NCK1: variants seen among roughly 807,000 people sequenced by gnomAD.
NCK1 encodes SH2/SH3 adapter protein NCK1.
In NCK1, 19 loss-of-function variants were observed where a neutral mutation model predicts 36.6. That is an observed-to-expected ratio of 0.52 (90% confidence interval 0.36 to 0.76). NCK1 has a LOEUF of 0.76. Ranked by LOEUF, NCK1 falls within the 30% of genes least tolerant of loss-of-function variation. NCK1 has a pLI of 0.00. For missense variants in NCK1, 358 were observed against 445.6 expected (o/e 0.80, Z 1.77); for synonymous variants, 165 against 156.0 (o/e 1.06, Z -0.43).
chr3:136,889,989 G>A (rs757488040), intron 1 of NCK1, among the ~76,000 whole-genome samples: 6 of 152,326 alleles, frequency 3.9e-5, no homozygotes, highest in Middle Eastern at 3.4e-3. Flanking sequence ...CCAGTCCTGC[G>A]CTGTGTGCCC....
intron 1 of NCK1, among the ~76,000 whole-genome samples, chr3:136,905,115 T>C (rs1172202289): frequency 6.6e-6 from 1 of 151,462 alleles, no homozygotes; most frequent in Non-Finnish European, 1.5e-5. Flanking sequence ...CAGGTTCAAG[T>C]GATTCTTCTG....
chr3:136,912,882 T>C (rs185927003), intron 1 of NCK1, among the ~76,000 whole-genome samples: 1 of 151,742 alleles, frequency 6.6e-6, no homozygotes, highest in African/African-American at 2.4e-5. Context: ...GGTCTTGATA[T>C]CCTGGACTCA....
rs1940964379 is a variant in NCK1 at position 136,951,264 on chromosome 3, A to G, written c.*2811A>G. ...TGTAGCACGTTTGTGAGAATTCTCT[A>G]GGCAGGCCCAGCCCTTCTCTAGAAG... On this transcript the variant is annotated 3_prime_UTR_variant, in exon 4 of 4. Coordinates refer to ENST00000481752, the MANE Select transcript of NCK1 (RefSeq NM_001291999.2). Among the ~76,000 whole-genome samples the G allele has an allele frequency of 1.3e-5, 2 of 152,220 alleles. No individual in the cohort carries two copies. Among genetic ancestry groups the G allele is most frequent in the African/African-American group, 2.4e-5 (1 of 41,456 alleles).
At chr3:136,893,028 A>G (rs2108090804) in intron 1 of NCK1, among the ~76,000 whole-genome samples, 1 of 150,284 alleles carries the variant, frequency 6.7e-6, no homozygotes, top group South Asian at 2.1e-4. Flanking sequence ...AATGGAGAAT[A>G]TACGATGTTT....
chr3:136,887,773 C>T (rs544563551), intron 1 of NCK1, among the ~76,000 whole-genome samples: 104 of 152,234 alleles, frequency 6.8e-4, no homozygotes, highest in South Asian at 2.1e-3. Flanking sequence ...TTGTTAAATC[C>T]TCACAGCAAC....
intron 1 of NCK1, among the ~76,000 whole-genome samples, chr3:136,873,014 C>T (rs765827503): frequency 5.3e-5 from 8 of 152,192 alleles, no homozygotes; most frequent in Non-Finnish European, 1.2e-4. Flanking sequence ...AATGTGGGGT[C>T]AGAGCCCCCA....
chr3:136,943,645 T>G (rs1940733166), intron 2 of NCK1, among the ~76,000 whole-genome samples: 2 of 152,266 alleles, frequency 1.3e-5, no homozygotes. Flanking sequence ...TACATAATTT[T>G]GTTTTTCCTT....
intron 1 of NCK1, among the ~76,000 whole-genome samples, chr3:136,911,822 C>T (rs1939833196): frequency 6.6e-6 from 1 of 151,466 alleles, no homozygotes; most frequent in African/African-American, 2.4e-5. Context: ...TTTTCCCTCA[C>T]TTTTGAAGGA....
At chr3:136,900,177 A>G (rs965790837) in intron 1 of NCK1, 14 of 261,004 alleles carry the variant, frequency 5.4e-5, no homozygotes, top group Non-Finnish European at 8.9e-5. Context: ...CTCTCCCTTC[A>G]CTCTTCATTG....
chr3:136,876,246 A>G (rs1351519315), intron 1 of NCK1, among the ~76,000 whole-genome samples: 1 of 149,610 alleles, frequency 6.7e-6, no homozygotes, highest in South Asian at 2.1e-4. Context: ...TAAAAGAACT[A>G]GAAAAGCAAG....
At chr3:136,871,925 C>G (rs1035931056) in intron 1 of NCK1, among the ~76,000 whole-genome samples, 1 of 152,188 alleles carries the variant, frequency 6.6e-6, no homozygotes, top group Non-Finnish European at 1.5e-5. Flanking sequence ...ATTGTGAGGC[C>G]TCTCCTGCCA....
chr3:136,888,049 A>G (rs187962168), intron 1 of NCK1, among the ~76,000 whole-genome samples: 10 of 150,730 alleles, frequency 6.6e-5, no homozygotes, highest in South Asian at 2.1e-4. Flanking sequence ...GGTTCAAGCT[A>G]TTCTCCTGCC....
At chr3:136,878,370 C>G (rs2108075067) in intron 1 of NCK1, among the ~76,000 whole-genome samples, 1 of 152,278 alleles carries the variant, frequency 6.6e-6, no homozygotes, top group African/African-American at 2.4e-5. Context: ...GATAGCAACA[C>G]AGCACTCTAG....
chr3:136,873,246 G>A (rs1306747942), intron 1 of NCK1, among the ~76,000 whole-genome samples: 2 of 152,222 alleles, frequency 1.3e-5, no homozygotes, highest in Non-Finnish European at 2.9e-5. Flanking sequence ...TCTTGGATCA[G>A]CATGACCTGG....
intron 2 of NCK1, among the ~76,000 whole-genome samples, chr3:136,941,494 T>C (rs1002208453): frequency 3.3e-5 from 5 of 152,150 alleles, no homozygotes; most frequent in African/African-American, 1.2e-4. Context: ...TGTTTTTCCT[T>C]AGTGGTTACC....
chr3:136,934,611 A>G lies in NCK1; in HGVS notation c.226+6384A>G, dbSNP rs374137768. Among the ~76,000 whole-genome samples, 4 of 152,144 alleles carry G rather than the reference A, an allele frequency of 2.6e-5. No homozygotes were observed. In the South Asian group the frequency reaches 6.2e-4, roughly 24 times the overall value. On this transcript the variant is annotated intron_variant, in intron 2 of 3. Coordinates refer to ENST00000481752, the MANE Select transcript of NCK1 (RefSeq NM_001291999.2). ...TGTTGTACATATTATTTCATCACCC[A>G]GGTATTAAGCCCAGTATCCAATCAT...
chr3:136,910,631 CCA>C (rs2108110524), intron 1 of NCK1, among the ~76,000 whole-genome samples: 1 of 152,210 alleles, frequency 6.6e-6, no homozygotes, highest in African/African-American at 2.4e-5. Flanking sequence ...TTTATTTATT[CCA>C]GTTTTAAATT....
chr3:136,903,651 CT>C (rs1939605691), intron 1 of NCK1, among the ~76,000 whole-genome samples: 1 of 152,150 alleles, frequency 6.6e-6, no homozygotes, highest in African/African-American at 2.4e-5. Context: ...TCTTGAACCC[CT>C]GACCTCAGGT....
chr3:136,944,111 C>CTTTTTTTTTTTTTTTTGT (rs1560055771), intron 2 of NCK1, among the ~76,000 whole-genome samples: 1 of 80,926 alleles, frequency 1.2e-5, no homozygotes, highest in African/African-American at 5.7e-5. Context: ...GGAAAAACAA[C>CTTTTTTTTTTTTTTTTGT]CTTTTTTTTT....
Sources: allele counts gnomAD v4.1 joint callset (sites outside exome capture counted in the v4.1 genomes callset), GRCh38; gene constraint gnomAD v4.1.1; transcripts MANE v1.5; gene names NCBI Gene and HGNC (gene_info 2026-07-23, HGNC 2026-07-21).